Variants in IKZF1 observed in about 807,000 individuals in gnomAD.
The protein encoded by IKZF1 is IKAROS family zinc finger 1, also known as DNA-binding protein Ikaros.
IKZF1 carries 10 observed loss-of-function variants against 51.7 expected under a neutral mutation model. That is an observed-to-expected ratio of 0.19 (90% CI 0.12 to 0.33). The LOEUF (loss-of-function observed/expected upper bound fraction) is 0.33, where lower values mean the gene tolerates loss of function less well. Among genes scored for constraint, IKZF1 ranks in the 10% least tolerant of loss-of-function variants. IKZF1 has a pLI of 1.00. For missense variants in IKZF1, 484 were observed against 707.5 expected (o/e 0.68, Z 3.58); for synonymous variants, 280 against 282.3 (o/e 0.99, Z 0.08).
At chr7:50,351,337 A>G (rs1190216651) in intron 3 of IKZF1, among the ~76,000 whole-genome samples, 1 of 152,206 alleles carries the variant, frequency 6.6e-6, no homozygotes, top group African/African-American at 2.4e-5. Flanking sequence ...GCATGATTAC[A>G]CCTTAAGGTT....
At chr7:50,396,910 A>T (rs1467488703) in intron 7 of IKZF1, among the ~76,000 whole-genome samples, 1 of 152,216 alleles carries the variant, frequency 6.6e-6, no homozygotes, top group Non-Finnish European at 1.5e-5. Context: ...GCTTTGGGCC[A>T]TCTTCCCCTT....
chr7:50,374,772 C>T (rs1809747319), intron 3 of IKZF1, among the ~76,000 whole-genome samples: 1 of 152,196 alleles, frequency 6.6e-6, no homozygotes, highest in Admixed American at 6.5e-5. Context: ...AGAGAAGTTA[C>T]ATGACTTGCC....
intron 2 of IKZF1, 39 bp from the exon 3 acceptor site, chr7:50,327,599 C>G (rs1476103602): frequency 1.3e-6 from 2 of 1,562,002 alleles, no homozygotes; most frequent in African/African-American, 2.7e-5. Context: ...GCACCTTGAC[C>G]ATGACCGCCC....
At chr7:50,336,051 T>A (rs1797697901) in intron 3 of IKZF1, among the ~76,000 whole-genome samples, 1 of 152,134 alleles carries the variant, frequency 6.6e-6, no homozygotes, top group Non-Finnish European at 1.5e-5. Context: ...CTGCTCCATG[T>A]CTGACATTCC....
chr7:50,343,101 T>C (rs1008363096), intron 3 of IKZF1, among the ~76,000 whole-genome samples: 6 of 151,502 alleles, frequency 4.0e-5, no homozygotes, highest in Non-Finnish European at 7.4e-5. Context: ...CTTCCTTCTT[T>C]CCTCTTTTTT....
Position 50,400,417 on chromosome 7 carries a change from C to T in IKZF1, c.1350C>T (p.Arg450=), listed in dbSNP as rs1562914067. Residue 450 remains arginine, a synonymous_variant, in exon 8 of 8, where the codon CGC becomes CGT. Transcript: ENST00000331340. This position sits in a 1 kb window ranked among gnomAD's most constrained non-coding sequence, Gnocchi z 5.4. ...CCGAGAACTCGCAGGACGCGCTCCG[C>T]GTGGTCAGCACCAGCGGGGAGCAGA... ...AASENSQDAL[R]VVSTSGEQMK... 2 of 1,613,788 alleles carry T rather than the reference C, an allele frequency of 1.2e-6. No homozygotes were observed. Among genetic ancestry groups the T allele is most frequent in the Admixed American group, 1.7e-5 (1 of 60,018 alleles).
At chr7:50,359,862 G>C (rs1167756425) in intron 3 of IKZF1, among the ~76,000 whole-genome samples, 3 of 152,192 alleles carry the variant, frequency 2.0e-5, no homozygotes, top group African/African-American at 7.2e-5. Context: ...CACTTTCTGG[G>C]AGGAAGGCAG....
intron 3 of IKZF1, chr7:50,367,676 G>A (rs1242694642): frequency 4.4e-6 from 1 of 228,790 alleles, no homozygotes; most frequent in African/African-American, 2.3e-5. Flanking sequence ...GGAGCCGAGT[G>A]TTTGGACTGG....
chr7:50,353,504 C>T (rs954347766), intron 3 of IKZF1, among the ~76,000 whole-genome samples: 2 of 152,220 alleles, frequency 1.3e-5, no homozygotes, highest in African/African-American at 4.8e-5. Context: ...TCCTCACCTC[C>T]TGCCATGCTG....
intron 3 of IKZF1, among the ~76,000 whole-genome samples, chr7:50,351,157 T>A (rs1440253762): frequency 6.6e-6 from 1 of 152,216 alleles, no homozygotes; most frequent in African/African-American, 2.4e-5. Context: ...TGCTCTCTCT[T>A]TTTTAATGCA....
chr7:50,346,459 C>G (rs992874417), intron 3 of IKZF1, among the ~76,000 whole-genome samples: 1 of 152,206 alleles, frequency 6.6e-6, no homozygotes, highest in Non-Finnish European at 1.5e-5. Flanking sequence ...TTGACAACAG[C>G]TCTACAAAGC....
At chr7:50,377,349 T>A (rs964976926) in intron 4 of IKZF1, 1 of 154,110 alleles carries the variant, frequency 6.5e-6, no homozygotes, top group African/African-American at 2.4e-5. Flanking sequence ...AGACTTTGAA[T>A]CAGATGCTTC....
intron 7 of IKZF1, among the ~76,000 whole-genome samples, chr7:50,398,793 A>G (rs1418631572): frequency 3.3e-5 from 5 of 152,240 alleles, no homozygotes; most frequent in Non-Finnish European, 7.3e-5. Context: ...TGACTCATTA[A>G]TGTACCACTG....
intron 3 of IKZF1, among the ~76,000 whole-genome samples, chr7:50,347,116 G>A (rs922764127): frequency 2.0e-5 from 3 of 152,158 alleles, no homozygotes; most frequent in African/African-American, 7.2e-5. Flanking sequence ...TTTCATTTCA[G>A]CCTGTTAAGA....
intron 3 of IKZF1, among the ~76,000 whole-genome samples, chr7:50,348,258 TA>T (rs1269728579): frequency 6.6e-6 from 1 of 152,336 alleles, no homozygotes; most frequent in East Asian, 1.9e-4. Context: ...TTTGAAGTCT[TA>T]AATTGTTGCC....
chr7:50,351,794 C>T (rs942172709), intron 3 of IKZF1, among the ~76,000 whole-genome samples: 1 of 152,172 alleles, frequency 6.6e-6, no homozygotes, highest in African/African-American at 2.4e-5. Context: ...TCAAGCCTAC[C>T]TCATTTTATT....
intron 2 of IKZF1, among the ~76,000 whole-genome samples, chr7:50,326,030 T>A (rs1231364955): frequency 1.3e-5 from 2 of 152,254 alleles, no homozygotes; most frequent in Non-Finnish European, 2.9e-5. Context: ...TAAATTGTGA[T>A]GTCTGTTTTC....
chr7:50,387,565 T>C, intron 6 of IKZF1, 95 bp downstream of exon 6: 1 of 1,409,124 alleles, frequency 7.1e-7, no homozygotes, highest in Non-Finnish European at 9.3e-7. Flanking sequence ...GAGCAGAGCC[T>C]TGGGCCTGCT....
intron 1 of IKZF1, among the ~76,000 whole-genome samples, chr7:50,310,173 G>A (rs1296889934): frequency 6.6e-6 from 1 of 152,176 alleles, no homozygotes; most frequent in Non-Finnish European, 1.5e-5. Context: ...GAAGTTGTGA[G>A]TACTTTTGCA....
Sources: gnomAD v4.1 joint callset for allele counts (sites outside exome capture counted in the v4.1 genomes callset) on GRCh38, gnomAD v4.1.1 for gene constraint, Gnocchi (gnomAD v3.1) non-coding constraint, MANE v1.5 for transcripts, NCBI Gene and HGNC (gene_info 2026-07-23, HGNC 2026-07-21) for gene names.